Variants in PTPRM observed in about 807,000 individuals in gnomAD.
PTPRM encodes receptor-type tyrosine-protein phosphatase mu.
A neutral mutation model predicts 186.7 loss-of-function variants in PTPRM; 47 were observed. The ratio of observed to expected loss-of-function variants is 0.25; its 90% confidence interval spans 0.20 to 0.32. The LOEUF is 0.32. Among genes scored for constraint, PTPRM ranks in the 10% least tolerant of loss-of-function variants. The pLI, the probability that PTPRM is intolerant of heterozygous loss-of-function variation, is 1.00. For missense variants in PTPRM, 1,494 were observed against 1,865.0 expected, an observed-to-expected ratio of 0.80 and a Z score of 3.66; for synonymous variants, 668 against 674.9, an observed-to-expected ratio of 0.99 and a Z score of 0.16.
At chr18:8,027,988 C>G (rs2085680995) in intron 7 of PTPRM, among the ~76,000 whole-genome samples, 1 of 151,856 alleles carries the variant, frequency 6.6e-6, no homozygotes, top group African/African-American at 2.4e-5. Flanking sequence ...TGCACATGGC[C>G]GTTCATTGTT....
chr18:8,324,515 C>T (rs1458519599), intron 22 of PTPRM, among the ~76,000 whole-genome samples: 1 of 152,208 alleles, frequency 6.6e-6, no homozygotes, highest in African/African-American at 2.4e-5. Context: ...GTAGAAATAA[C>T]ACATGTACCA....
chr18:7,751,659 TAC>T (rs1376101570), intron 1 of PTPRM, among the ~76,000 whole-genome samples: 1 of 152,178 alleles, frequency 6.6e-6, no homozygotes, highest in Non-Finnish European at 1.5e-5. Flanking sequence ...GTACAGTATA[TAC>T]AGTTCTTTAC....
intron 2 of PTPRM, among the ~76,000 whole-genome samples, chr18:7,794,913 G>C (rs188909633): frequency 6.6e-6 from 1 of 152,144 alleles, no homozygotes. Context: ...GGTAGTTGTG[G>C]CTGTCAGCTC....
chr18:8,240,777 GGAGAGAGAGA>G (rs747648655), intron 14 of PTPRM, among the ~76,000 whole-genome samples: 5 of 57,296 alleles, frequency 8.7e-5, no homozygotes, highest in Non-Finnish European at 1.3e-4. Flanking sequence ...AGAGAGAGAG[GGAGAGAGAGA>G]GAGAGAGAGA....
intron 11 of PTPRM, among the ~76,000 whole-genome samples, chr18:8,107,345 T>G (rs2091567615): frequency 6.6e-6 from 1 of 152,238 alleles, no homozygotes; most frequent in Non-Finnish European, 1.5e-5. Context: ...AGCCTGAGCC[T>G]AATGTTCTAG....
chr18:7,730,676 A>G (rs2040640289), intron 1 of PTPRM, among the ~76,000 whole-genome samples: 2 of 152,220 alleles, frequency 1.3e-5, no homozygotes, highest in African/African-American at 4.8e-5. Context: ...AGTGCCTCAT[A>G]GTAAATTCTT....
chr18:8,246,363 G>A (rs1026214102), intron 15 of PTPRM, among the ~76,000 whole-genome samples: 4 of 152,168 alleles, frequency 2.6e-5, no homozygotes, highest in Non-Finnish European at 5.9e-5. Context: ...CCACAGTTAT[G>A]AGAATGGGGA....
At chr18:8,092,342 ATG>A (rs2090782700) in intron 11 of PTPRM, among the ~76,000 whole-genome samples, 1 of 152,078 alleles carries the variant, frequency 6.6e-6, no homozygotes, top group Non-Finnish European at 1.5e-5. Flanking sequence ...GAGAATTTTA[ATG>A]TCTGTTCATG....
Position 8,072,517 on chromosome 18 carries a change from C to G in PTPRM, c.1441+2523C>G, listed in dbSNP as rs616698. 3.3e-5 allele frequency among the ~76,000 whole-genome samples: 5 copies of G among 151,924 alleles called. No homozygotes were observed. In the South Asian group the frequency reaches 1.0e-3, roughly 32 times the overall value. On this transcript the variant is annotated intron_variant, in intron 8 of 32. Coordinates refer to ENST00000580170, the MANE Select transcript of PTPRM (RefSeq NM_001105244.2). ...AATTTCAAATTATATTTTGTAACCC[C>G]TCCAAAAAAAATACTTCAGAAAAGG...
intron 23 of PTPRM, among the ~76,000 whole-genome samples, chr18:8,366,565 G>T (rs2095630632): frequency 6.6e-6 from 1 of 152,216 alleles, no homozygotes; most frequent in Non-Finnish European, 1.5e-5. Flanking sequence ...TATCTGGGCT[G>T]CTGGTTTAAA....
intron 14 of PTPRM, among the ~76,000 whole-genome samples, chr18:8,226,689 C>G (rs2094217993): frequency 6.6e-6 from 1 of 152,264 alleles, no homozygotes; most frequent in Middle Eastern, 3.4e-3. Context: ...TATTAGTTTC[C>G]TGTTCCTGCT....
chr18:8,196,780 A>G (rs946485284), intron 14 of PTPRM, among the ~76,000 whole-genome samples: 1 of 152,178 alleles, frequency 6.6e-6, no homozygotes, highest in African/African-American at 2.4e-5. Context: ...TTCCCTTGTT[A>G]TGAGCTTGGG....
intron 1 of PTPRM, among the ~76,000 whole-genome samples, chr18:7,676,253 C>G (rs1183890970): frequency 1.3e-5 from 2 of 152,004 alleles, no homozygotes. Flanking sequence ...TTTATTGTTG[C>G]AATTGTTAGA....
At chr18:8,025,417 C>A (rs1449021746) in intron 7 of PTPRM, among the ~76,000 whole-genome samples, 1 of 152,186 alleles carries the variant, frequency 6.6e-6, no homozygotes, top group African/African-American at 2.4e-5. Flanking sequence ...GAGAAGACCA[C>A]TGAGGCCTCA....
intron 2 of PTPRM, among the ~76,000 whole-genome samples, chr18:7,841,257 G>A (rs940557845): frequency 6.8e-6 from 1 of 147,238 alleles, no homozygotes; most frequent in Non-Finnish European, 1.5e-5. Flanking sequence ...AGACAGGTTT[G>A]GACATTTTTG....
chr18:8,201,768 A>G (rs916960001), intron 14 of PTPRM, among the ~76,000 whole-genome samples: 1 of 152,062 alleles, frequency 6.6e-6, no homozygotes, highest in Non-Finnish European at 1.5e-5. Context: ...ATTTAATTCT[A>G]ATTACCTCCT....
intron 22 of PTPRM, among the ~76,000 whole-genome samples, chr18:8,337,294 A>G (rs2095445395): frequency 6.6e-6 from 1 of 152,114 alleles, no homozygotes; most frequent in Non-Finnish European, 1.5e-5. Flanking sequence ...GCCTCTGAGT[A>G]GCTGGAATTA....
intron 2 of PTPRM, among the ~76,000 whole-genome samples, chr18:7,866,875 A>G (rs1302275681): frequency 6.6e-6 from 1 of 152,142 alleles, no homozygotes; most frequent in Non-Finnish European, 1.5e-5. Context: ...GTGCTTCTGT[A>G]TCGGGTGCAT....
At position 7,973,507 on chromosome 18, in the gene PTPRM, C is replaced by A. The variant is rs192778433; in HGVS notation, c.1132+18093C>A. ...CATGCATGTATTCAGTATATTTCTT[C>A]CTCAGCAAATTGTCCATTTCTGTCC... On this transcript the variant is annotated intron_variant, in intron 7 of 32. Transcript: ENST00000580170. Among the ~76,000 whole-genome samples the A allele has an allele frequency of 2.0e-5, 3 of 152,256 alleles. No individual in the cohort carries two copies. The South Asian group carries it at 6.2e-4, about 32-fold the overall frequency.
Sources: gnomAD v4.1 joint callset for allele counts (sites outside exome capture counted in the v4.1 genomes callset) on GRCh38, gnomAD v4.1.1 for gene constraint, MANE v1.5 for transcripts, NCBI Gene and HGNC (gene_info 2026-07-23, HGNC 2026-07-21) for gene names.